The following PRKN variants were observed in gnomAD, a reference collection of about 807,000 sequenced individuals.
PRKN encodes parkin RBR E3 ubiquitin protein ligase.
Under a neutral mutation model 59.5 loss-of-function variants are expected in PRKN, and 56 were observed. The ratio of observed to expected loss-of-function variants is 0.94; its 90% confidence interval spans 0.76 to 1.18. The LOEUF (loss-of-function observed/expected upper bound fraction) is 1.18, where lower values mean the gene tolerates loss of function less well. PRKN is among the 50% of genes most tolerant of loss of function. PRKN has a pLI of 0.00. For missense variants in PRKN, 657 were observed against 596.4 expected, an observed-to-expected ratio of 1.10 and a Z score of -1.06; for synonymous variants, 250 against 222.1, an observed-to-expected ratio of 1.13 and a Z score of -1.12.
intron 1 of PRKN, among the ~76,000 whole-genome samples, chr6:162,513,609 T>C (rs1461601194): frequency 6.6e-6 from 1 of 152,188 alleles, no homozygotes; most frequent in African/African-American, 2.4e-5. Context: ...TAGCTTTTCA[T>C]GACTGGACTG....
At chr6:162,664,013 C>T (rs1387334685) in intron 1 of PRKN, among the ~76,000 whole-genome samples, 9 of 151,976 alleles carry the variant, frequency 5.9e-5, no homozygotes, top group Admixed American at 5.9e-4. Context: ...TGGTTTGCTG[C>T]ACCTATTGAC....
intron 1 of PRKN, among the ~76,000 whole-genome samples, chr6:162,677,638 T>C (rs146352163): frequency 6.6e-6 from 1 of 152,252 alleles, no homozygotes; most frequent in East Asian, 1.9e-4. Context: ...CCCATATGAC[T>C]GATTTACACT....
At chr6:161,883,139 C>A (rs1407403791) in intron 6 of PRKN, among the ~76,000 whole-genome samples, 1 of 151,908 alleles carries the variant, frequency 6.6e-6, no homozygotes, top group African/African-American at 2.4e-5. Flanking sequence ...GAGATAATAA[C>A]ATTTTTGTTA....
Position 161,716,076 on chromosome 6 carries a change from G to C in PRKN, c.871+69696C>G, listed in dbSNP as rs529360306. On this transcript the variant is annotated intron_variant, in intron 7 of 11. Transcript: ENST00000366898. ...CATGCTGTGCTGGGCCCATCTTACC[G>C]ACTCCTCTCCTGAATCCCCCCAGAG... 9.2e-4 allele frequency: 1,235 copies of C among 1,337,702 alleles called. 12 individuals carry two copies. In the African/African-American group the frequency reaches 0.017, roughly 19 times the overall value. 82.9% of individuals were successfully genotyped at this position (1,337,702 alleles called of 1,614,324 possible). A position where few individuals can be genotyped will look rare whatever the true frequency, so the allele number is the denominator to read the frequency against.
intron 1 of PRKN, among the ~76,000 whole-genome samples, chr6:162,564,327 G>T (rs1329168587): frequency 6.6e-6 from 1 of 151,518 alleles, no homozygotes; most frequent in African/African-American, 2.4e-5. Context: ...CCTGGCAATA[G>T]AGCAAGACTC....
chr6:162,402,248 C>CAAA (rs3081921), intron 2 of PRKN, among the ~76,000 whole-genome samples: 1 of 125,054 alleles, frequency 8.0e-6, no homozygotes, highest in Non-Finnish European at 1.8e-5. Context: ...GACTCTGTCT[C>CAAA]AAAAAAAAAA....
chr6:161,742,261 C>T (rs779602653), intron 7 of PRKN, among the ~76,000 whole-genome samples: 4 of 152,138 alleles, frequency 2.6e-5, no homozygotes, highest in Admixed American at 1.3e-4. Context: ...TGAGCCACTG[C>T]GCCCAGCCCT....
Position 161,355,297 on chromosome 6 carries a change from G to C in PRKN, c.1285+4791C>G, listed in dbSNP as rs755508325. Among the ~76,000 whole-genome samples, 9 of 152,194 alleles carry C rather than the reference G, an allele frequency of 5.9e-5. No homozygotes were observed. The highest frequency in any genetic ancestry group is 1.3e-4 in the Non-Finnish European group (9 of 68,044). On this transcript the variant is annotated intron_variant, in intron 11 of 11. Coordinates refer to ENST00000366898, the MANE Select transcript of PRKN (RefSeq NM_004562.3). The surrounding 1 kb of genome is among the most constrained non-coding windows in gnomAD (Gnocchi z 6.8). ...TCTCTTCCAGGAAGCCTCCTCCTCC[G>C]GGTCTGTGTGCCCTGATAGCTTGCT...
In PRKN at chr6:161,484,153, C is replaced by T. The variant is rs1457162552; in HGVS notation, c.1083+64701G>A. Among the ~76,000 whole-genome samples, 2 of 152,064 alleles carry T rather than the reference C, an allele frequency of 1.3e-5. No homozygotes were observed. Among genetic ancestry groups the T allele is most frequent in the African/African-American group, 2.4e-5 (1 of 41,414 alleles). ...TTACCTATATAACAAACCTGCACAT[C>T]CTGCACATGTACCCCTGAACTTAAA... is the stretch of plus-strand genomic sequence containing the variant. On this transcript the variant is annotated intron_variant, in intron 9 of 11. Coordinates refer to ENST00000366898, the MANE Select transcript of PRKN (RefSeq NM_004562.3). This position sits in a 1 kb window ranked among gnomAD's most constrained non-coding sequence, Gnocchi z 4.9.
intron 1 of PRKN, among the ~76,000 whole-genome samples, chr6:162,602,279 T>C (rs1352799561): frequency 1.3e-5 from 2 of 151,514 alleles, no homozygotes; most frequent in African/African-American, 2.4e-5. Context: ...CAGGTAAGGG[T>C]TGTGGGATGG....
chr6:161,509,695 C>T (rs1200247709), intron 9 of PRKN, among the ~76,000 whole-genome samples: 2 of 151,920 alleles, frequency 1.3e-5, no homozygotes, highest in East Asian at 3.9e-4. Context: ...GCCTGACCAA[C>T]ATGGTGAAAC....
Position 162,363,148 on chromosome 6 carries a change from A to C in PRKN, c.171+80162T>G, listed in dbSNP as rs1467115542. ...TTCTCAAACAAAAAAAAAAAAAAAAAAAAAAAAAATTGTCTCCCCTGACTT... is the reference window on the plus strand; with the variant it reads ...TTCTCAAACAAAAAAAAAAAAAAAACAAAAAAAAATTGTCTCCCCTGACTT... On this transcript the variant is annotated intron_variant, in intron 2 of 11. Coordinates refer to ENST00000366898, the MANE Select transcript of PRKN (RefSeq NM_004562.3). Among the ~76,000 whole-genome samples the C allele has an allele frequency of 7.3e-3, 1,106 of 151,270 alleles. 16 individuals carry two copies. Among genetic ancestry groups the C allele is most frequent in the African/African-American group, 0.025 (1,023 of 41,114 alleles).
At chr6:161,565,287 T>G (rs975903518) in intron 8 of PRKN, among the ~76,000 whole-genome samples, 1 of 152,122 alleles carries the variant, frequency 6.6e-6, no homozygotes, top group African/African-American at 2.4e-5. Context: ...AAACACCCAG[T>G]GGATTGACCT....
At chr6:162,380,164 G>A (rs1786351388) in intron 2 of PRKN, among the ~76,000 whole-genome samples, 1 of 151,884 alleles carries the variant, frequency 6.6e-6, no homozygotes, top group Admixed American at 6.6e-5. Context: ...CTGTAATTTG[G>A]CACTTTGGGT....
intron 7 of PRKN, among the ~76,000 whole-genome samples, chr6:161,620,093 G>A (rs1371859759): frequency 2.9e-5 from 4 of 140,308 alleles, no homozygotes; most frequent in East Asian, 2.1e-4. Flanking sequence ...GAATTTGAAC[G>A]ATTCTCCTGC....
intron 2 of PRKN, among the ~76,000 whole-genome samples, chr6:162,280,223 T>C (rs902106587): frequency 2.0e-5 from 3 of 152,192 alleles, no homozygotes; most frequent in African/African-American, 7.2e-5. Context: ...TGATCCTAGC[T>C]GGTTATTTTG....
At position 162,668,129 on chromosome 6, in the gene PRKN, T is replaced by A. The variant is rs548094187; in HGVS notation, c.7+59533A>T. ...CATTAGAGTAATAATTTTCCCCTGG[T>A]GTCAAGGTTAAAGTAAGGAAGCAGA... On this transcript the variant is annotated intron_variant, in intron 1 of 11. Coordinates refer to ENST00000366898, the MANE Select transcript of PRKN (RefSeq NM_004562.3). 1.3e-5 allele frequency among the ~76,000 whole-genome samples: 2 copies of A among 152,326 alleles called. 1 individual carries two copies. Among genetic ancestry groups the A allele is most frequent in the South Asian group, 4.1e-4 (2 of 4,830 alleles).
intron 7 of PRKN, among the ~76,000 whole-genome samples, chr6:161,629,378 C>T (rs1783210827): frequency 1.3e-5 from 2 of 152,010 alleles, no homozygotes; most frequent in South Asian, 4.2e-4. Flanking sequence ...TTTCAGAAGC[C>T]GCACTACAAG....
intron 6 of PRKN, among the ~76,000 whole-genome samples, chr6:161,897,960 C>G (rs569564299): frequency 9.2e-5 from 2 of 21,726 alleles, no homozygotes; most frequent in Admixed American, 1.3e-3. Flanking sequence ...GAGCGAGACT[C>G]CGTCTCAAAA....
Sources: allele counts gnomAD v4.1 joint callset (sites outside exome capture counted in the v4.1 genomes callset), GRCh38; gene constraint gnomAD v4.1.1; non-coding constraint Gnocchi (gnomAD v3.1); transcripts MANE v1.5; gene names NCBI Gene and HGNC (gene_info 2026-07-23, HGNC 2026-07-21).